Variants in VPS26A observed in about 807,000 individuals in gnomAD.
The protein encoded by VPS26A is vacuolar protein sorting-associated protein 26A.
VPS26A carries 22 observed loss-of-function variants against 42.4 expected under a neutral mutation model. The observed-to-expected ratio is 0.52, with a 90% CI of 0.37 to 0.74. VPS26A has a LOEUF of 0.74. Among genes scored for constraint, VPS26A ranks in the 30% least tolerant of loss-of-function variants. The pLI is 0.00. For synonymous variants in VPS26A, 110 were observed against 123.5 expected (o/e 0.89, Z 0.73); for missense variants, 276 against 379.2 (o/e 0.73, Z 2.26).
chr10:69,132,674 C>T (rs1181515467), intron 1 of VPS26A, among the ~76,000 whole-genome samples: 1 of 152,040 alleles, frequency 6.6e-6, no homozygotes, highest in African/African-American at 2.4e-5. Context: ...AACTCCTGAC[C>T]TCAGGTGATC....
At chr10:69,141,233 A>G (rs1391461868) in intron 2 of VPS26A, among the ~76,000 whole-genome samples, 1 of 152,212 alleles carries the variant, frequency 6.6e-6, no homozygotes, top group Non-Finnish European at 1.5e-5. Context: ...CTGGATTATT[A>G]CTATGTAAGA....
chr10:69,144,724 T>G (rs1335707246), intron 2 of VPS26A, among the ~76,000 whole-genome samples: 1 of 151,842 alleles, frequency 6.6e-6, no homozygotes. Flanking sequence ...TTCTATCTAG[T>G]TGACTCTTTT....
intron 1 of VPS26A, among the ~76,000 whole-genome samples, chr10:69,126,017 C>T (rs1049944314): frequency 9.2e-5 from 14 of 152,162 alleles, no homozygotes; most frequent in African/African-American, 3.1e-4. Context: ...CAATTGCTAG[C>T]ATGTTTTTAT....
At chr10:69,151,743 A>C (rs1841319413) in intron 2 of VPS26A, among the ~76,000 whole-genome samples, 1 of 152,152 alleles carries the variant, frequency 6.6e-6, no homozygotes, top group Admixed American at 6.5e-5. Flanking sequence ...AAGAACTGTA[A>C]GTTTTAAAAA....
rs150066925 is a variant in VPS26A, at chr10:69,163,256, A to G, written c.658+744A>G. Reference sequence around the variant, plus strand: ...AGATAAAATCTTAGAAGTGGAATTCATGGGTTAAACAGCATATTTGTTTAT... The same window carrying G: ...AGATAAAATCTTAGAAGTGGAATTCGTGGGTTAAACAGCATATTTGTTTAT... On this transcript the variant is annotated intron_variant, in intron 6 of 8. Coordinates refer to ENST00000263559, the MANE Select transcript of VPS26A (RefSeq NM_004896.5). Among the ~76,000 whole-genome samples the G allele has an allele frequency of 2.3e-3, 353 of 152,346 alleles. 5 individuals are homozygous for G. Among genetic ancestry groups the G allele is most frequent in the Non-Finnish European group, 5.9e-4 (40 of 68,038 alleles).
At chr10:69,139,767 CTTGT>C (rs1248209515) in intron 2 of VPS26A, among the ~76,000 whole-genome samples, 2 of 151,990 alleles carry the variant, frequency 1.3e-5, no homozygotes, top group Admixed American at 6.6e-5. Flanking sequence ...ATTTTTGAGT[CTTGT>C]TTGAGTGTGG....
intron 1 of VPS26A, 93 bp downstream of exon 1, chr10:69,124,373 G>A (rs1297329890): frequency 1.7e-5 from 20 of 1,200,456 alleles, no homozygotes; most frequent in Non-Finnish European, 2.0e-5. Context: ...CGCCGGAGGA[G>A]GGGACGGGGG....
intron 1 of VPS26A, among the ~76,000 whole-genome samples, chr10:69,129,610 C>T (rs1326823588): frequency 2.0e-5 from 3 of 151,620 alleles, no homozygotes; most frequent in Admixed American, 2.0e-4. Context: ...TGCAGTGGCG[C>T]GATCTCGGCT....
intron 6 of VPS26A, among the ~76,000 whole-genome samples, chr10:69,164,299 C>G (rs897382154): frequency 2.6e-5 from 4 of 151,748 alleles, no homozygotes. Flanking sequence ...CTCACTGCAG[C>G]CTTGAACTCC....
At chr10:69,131,345 T>G (rs1589344083) in intron 1 of VPS26A, among the ~76,000 whole-genome samples, 2 of 152,244 alleles carry the variant, frequency 1.3e-5, no homozygotes, top group African/African-American at 4.8e-5. Flanking sequence ...CCCAACACTT[T>G]GGGAGGCCGA....
At position 69,151,602 on chromosome 10, in the gene VPS26A, A is replaced by G. The variant is rs77770594; in HGVS notation, c.154-4210A>G. On this transcript the variant is annotated intron_variant, in intron 2 of 8. Coordinates refer to ENST00000263559, the MANE Select transcript of VPS26A (RefSeq NM_004896.5). ...TCTTCATATTGCAGAAGAGCCTACA[A>G]TAAGGCTTAAAAGCAACTGTGTTTT... Among the ~76,000 whole-genome samples the G allele has an allele frequency of 5.3e-4, 81 of 152,340 alleles. 2 individuals are homozygous for G. In the East Asian group the frequency reaches 0.015, roughly 28 times the overall value.
At chr10:69,157,913 G>C (rs1256382488) in intron 4 of VPS26A, 134 bp from the exon 5 acceptor site, 1 of 687,042 alleles carries the variant, frequency 1.5e-6, no homozygotes, top group African/African-American at 1.9e-5. Flanking sequence ...CCTTCGTGAA[G>C]TAATGAAGTA....
At chr10:69,150,351 C>T (rs1390652295) in intron 2 of VPS26A, among the ~76,000 whole-genome samples, 5 of 152,206 alleles carry the variant, frequency 3.3e-5, no homozygotes, top group African/African-American at 7.2e-5. Context: ...CCACTGCGCC[C>T]GGCCCAACTT....
chr10:69,142,182 C>CTTTT (rs143922304), intron 2 of VPS26A, among the ~76,000 whole-genome samples: 7 of 84,920 alleles, frequency 8.2e-5, no homozygotes, highest in East Asian at 3.3e-4. Context: ...CATACCAGGC[C>CTTTT]TTTTTTTTTT....
chr10:69,146,898 A>C (rs1841172253), intron 2 of VPS26A, among the ~76,000 whole-genome samples: 2 of 152,184 alleles, frequency 1.3e-5, no homozygotes, highest in South Asian at 4.1e-4. Flanking sequence ...ATTCATGTAC[A>C]GGTTTTTGTG....
intron 7 of VPS26A, among the ~76,000 whole-genome samples, chr10:69,166,432 C>T (rs1193760750): frequency 6.6e-6 from 1 of 151,598 alleles, no homozygotes; most frequent in African/African-American, 2.4e-5. Flanking sequence ...TTCTCCTGAC[C>T]ACAAAATGGA....
intron 2 of VPS26A, among the ~76,000 whole-genome samples, chr10:69,154,523 C>T (rs968503036): frequency 4.6e-5 from 7 of 151,668 alleles, no homozygotes; most frequent in Non-Finnish European, 1.0e-4. Flanking sequence ...GCAACAAGAG[C>T]GAAACTCCGT....
At chr10:69,170,220 T>C (rs572167681) in intron 8 of VPS26A, 10 of 152,210 alleles carry the variant, frequency 6.6e-5, no homozygotes, top group Non-Finnish European at 1.3e-4. Flanking sequence ...ACTTAAATAA[T>C]AGCTTGACAG....
At chr10:69,151,630 C>CA in intron 2 of VPS26A, among the ~76,000 whole-genome samples, 1 of 152,124 alleles carries the variant, frequency 6.6e-6, no homozygotes, top group East Asian at 1.9e-4. Flanking sequence ...TGTGTTTTAA[C>CA]ATCAGTGGGA....
Sources: gnomAD v4.1 joint callset for allele counts (sites outside exome capture counted in the v4.1 genomes callset) on GRCh38, gnomAD v4.1.1 for gene constraint, MANE v1.5 for transcripts, NCBI Gene and HGNC (gene_info 2026-07-23, HGNC 2026-07-21) for gene names.